The following RMND1 variants were observed in gnomAD, a reference collection of about 807,000 sequenced individuals.
RMND1 encodes required for meiotic nuclear division protein 1 homolog.
In RMND1, 41 loss-of-function variants were observed where a neutral mutation model predicts 54.0. The observed-to-expected ratio is 0.76, with a 90% confidence interval of 0.59 to 0.98. The LOEUF (loss-of-function observed/expected upper bound fraction) is 0.98, where lower values mean the gene tolerates loss of function less well. RMND1 is among the 50% of genes least tolerant of loss of function. RMND1 has a pLI of 0.00. For missense variants in RMND1, 457 were observed against 532.0 expected, an observed-to-expected ratio of 0.86 and a Z score of 1.39; for synonymous variants, 183 against 181.7, an observed-to-expected ratio of 1.01 and a Z score of -0.06.
intron 1 of RMND1, 30 bp downstream of exon 1, chr6:151,451,986 G>A (rs1453913864): frequency 6.5e-6 from 1 of 154,256 alleles, no homozygotes; most frequent in Non-Finnish European, 1.4e-5. Flanking sequence ...CGGACCACTC[G>A]AGCTGCTAAA....
chr6:151,450,450 TG>T (rs1296526027), intron 1 of RMND1, among the ~76,000 whole-genome samples: 2 of 45,428 alleles, frequency 4.4e-5, no homozygotes, highest in Non-Finnish European at 7.0e-5. Context: ...GGGAGGGAGG[TG>T]GGGGGGCCAG....
At chr6:151,446,900 CA>C (rs35099648) in intron 1 of RMND1, among the ~76,000 whole-genome samples, 50,217 of 135,084 alleles carry the variant, frequency 0.37, 10,118 homozygotes, top group African/African-American at 0.61. Context: ...GACTCTGTCT[CA>C]AAAAAAAAAA....
At chr6:151,407,897 C>T (rs539743003) in intron 10 of RMND1, among the ~76,000 whole-genome samples, 90 of 151,988 alleles carry the variant, frequency 5.9e-4, no homozygotes, top group African/African-American at 1.8e-3. Flanking sequence ...GGCGACAGAG[C>T]GAGACTCCGT....
intron 1 of RMND1, among the ~76,000 whole-genome samples, chr6:151,449,796 A>G (rs1011888485): frequency 1.2e-4 from 18 of 152,218 alleles, no homozygotes; most frequent in Admixed American, 2.0e-4. Flanking sequence ...TTACAGGCGC[A>G]TGCCGCCACG....
chr6:151,408,946 A>C (rs2114914453), intron 10 of RMND1: 1 of 152,410 alleles, frequency 6.6e-6, no homozygotes, highest in Admixed American at 6.5e-5. Flanking sequence ...AGCAGTAGGA[A>C]AGTAGCATGT....
At chr6:151,438,186 T>C (rs1280861232) in intron 2 of RMND1, among the ~76,000 whole-genome samples, 1 of 152,230 alleles carries the variant, frequency 6.6e-6, no homozygotes, top group Non-Finnish European at 1.5e-5. Context: ...GAGTTAAAAC[T>C]AGCTGATGTA....
chr6:151,430,033 T>A, intron 5 of RMND1, 105 bp downstream of exon 5: 1 of 714,804 alleles, frequency 1.4e-6, no homozygotes, highest in Non-Finnish European at 2.5e-6. Context: ...AAATAAGTTG[T>A]GCATAATCTA....
chr6:151,445,321 A>G lies in RMND1; in HGVS notation c.491T>C (p.Leu164Pro), dbSNP rs1175093807. 1.9e-6 allele frequency: 3 copies of G among 1,608,160 alleles called. No individual in the cohort carries two copies. In the South Asian group the frequency reaches 3.3e-5, roughly 18 times the overall value. Residue 164 changes from leucine to proline, a missense_variant, in exon 2 of 12, where the codon CTG becomes CCG. Physicochemically the swap from Leu to Pro is moderately conservative, Grantham distance 98. Coordinates refer to ENST00000444024, the MANE Select transcript of RMND1 (RefSeq NM_017909.4). The part of the protein sequence containing the change: ...RQPSRTNLPV[L>P]SVNEDLMHCT... ...CCCCTACTTTACCTCGTTCACAGAC[A>G]GAACTGGAAGGTTGGTCCTGGATGG...
At chr6:151,423,821 G>A (rs1780218700) in intron 6 of RMND1, among the ~76,000 whole-genome samples, 190 bp from the exon 7 acceptor site, 1 of 151,304 alleles carries the variant, frequency 6.6e-6, no homozygotes, top group South Asian at 2.1e-4. Context: ...AATAATCTAA[G>A]ATGCAAAGAA....
intron 10 of RMND1, among the ~76,000 whole-genome samples, chr6:151,410,273 T>C (rs1048011216): frequency 4.6e-5 from 7 of 152,260 alleles, no homozygotes; most frequent in Admixed American, 1.3e-4. Flanking sequence ...GCCAGGATGG[T>C]CTGGATCTCC....
At chr6:151,418,896 G>C (rs1017175235) in intron 9 of RMND1, among the ~76,000 whole-genome samples, 1 of 150,362 alleles carries the variant, frequency 6.7e-6, no homozygotes, top group Admixed American at 6.6e-5. Flanking sequence ...TCAGCCTCCC[G>C]AGTAGCTAGG....
In RMND1 at chr6:151,405,208, T is replaced by C; in HGVS notation, c.*27A>G. 1 of 1,600,442 alleles carries C rather than the reference T, an allele frequency of 6.2e-7. No individual in the cohort carries two copies. The highest frequency in any genetic ancestry group is 8.6e-7 in the Non-Finnish European group (1 of 1,167,732). ...TTGATTGTAGAACTTGAATATCTCTTGCAGTGACACTTTGGTTATCACTTG... is the reference window on the plus strand; with the variant it reads ...TTGATTGTAGAACTTGAATATCTCTCGCAGTGACACTTTGGTTATCACTTG... On this transcript the variant is annotated 3_prime_UTR_variant, in exon 12 of 12. Coordinates refer to ENST00000444024, the MANE Select transcript of RMND1 (RefSeq NM_017909.4).
intron 1 of RMND1, chr6:151,446,175 C>A: frequency 5.2e-6 from 1 of 190,636 alleles, no homozygotes; most frequent in Non-Finnish European, 1.1e-5. Context: ...GTAATCCCAG[C>A]ACACTGGGAG....
chr6:151,413,549 T>G (rs1411583544), intron 10 of RMND1, among the ~76,000 whole-genome samples: 1 of 152,304 alleles, frequency 6.6e-6, no homozygotes, highest in Admixed American at 6.5e-5. Context: ...CAGTAAGTGG[T>G]GTTTCAGTCC....
Position 151,423,514 on chromosome 6 carries a change from T to C in RMND1, c.937+11A>G, listed in dbSNP as rs1554344069. 1.3e-6 allele frequency: 2 copies of C among 1,534,818 alleles called. No homozygotes were observed. Among genetic ancestry groups the C allele is most frequent in the African/African-American group, 1.4e-5 (1 of 73,216 alleles). On this transcript the variant is annotated intron_variant, in intron 7 of 11. Transcript: ENST00000444024. Reference sequence around the variant, plus strand: ...CTGTAGTACCCTATCCCATAAGCAGTAGTAACTTACCAGAAAGGCATAGAG... The same window carrying C: ...CTGTAGTACCCTATCCCATAAGCAGCAGTAACTTACCAGAAAGGCATAGAG...
intron 1 of RMND1, among the ~76,000 whole-genome samples, chr6:151,450,330 C>A (rs878971289): frequency 1.3e-5 from 2 of 150,676 alleles, no homozygotes; most frequent in African/African-American, 4.9e-5. Flanking sequence ...ACCCTCCGCC[C>A]GGCAGCCACC....
At chr6:151,442,148 A>G (rs80094413) in intron 2 of RMND1, among the ~76,000 whole-genome samples, 17,732 of 152,254 alleles carry the variant, frequency 0.12, 1,033 homozygotes, top group Middle Eastern at 0.18. Flanking sequence ...CTCCTGTAAC[A>G]TACTGATTGG....
intron 3 of RMND1, 151 bp from the exon 4 acceptor site, chr6:151,433,381 C>T: frequency 2.1e-6 from 1 of 477,962 alleles, no homozygotes. Flanking sequence ...CTACTAAGGC[C>T]TCTGAAAGGA....
In RMND1 at chr6:151,445,422, T is replaced by A. The variant is rs778750013; in HGVS notation, c.390A>T (p.Val130=). The A allele has an allele frequency of 1.2e-6, 2 of 1,614,162 alleles. No homozygotes were observed. Among genetic ancestry groups the A allele is most frequent in the South Asian group, 2.2e-5 (2 of 91,080 alleles). Residue 130 remains valine, a synonymous_variant, in exon 2 of 12, where the codon GTA becomes GTT. Transcript: ENST00000444024. The part of the protein sequence containing the change: ...IKILKRHFSS[V]STETFVPKQD... The stretch of plus-strand genomic sequence containing the variant: ...GTTTTGGAACAAATGTTTCCGTTGA[T>A]ACAGATGAGAAATGCCTCTTTAATA...
Sources: gnomAD v4.1 joint callset for allele counts (sites outside exome capture counted in the v4.1 genomes callset) on GRCh38, gnomAD v4.1.1 for gene constraint, MANE v1.5 for transcripts, NCBI Gene and HGNC (gene_info 2026-07-23, HGNC 2026-07-21) for gene names.